CSMD1: variants seen among roughly 807,000 people sequenced by gnomAD.
CSMD1 encodes CUB and Sushi multiple domains 1.
A neutral mutation model predicts 417.5 loss-of-function variants in CSMD1; 213 were observed. The ratio of observed to expected loss-of-function variants is 0.51; its 90% CI spans 0.46 to 0.57. The LOEUF (loss-of-function observed/expected upper bound fraction) is 0.57. Ranked by LOEUF, CSMD1 falls within the 20% of genes least tolerant of loss-of-function variation. The pLI, the probability that CSMD1 is intolerant of heterozygous loss-of-function variation, is 0.00. For missense variants in CSMD1, 6,923 were observed against 4,529.7 expected, an observed-to-expected ratio of 1.53 and a Z score of -15.17; for synonymous variants, 2,862 against 1,736.8, an observed-to-expected ratio of 1.65 and a Z score of -16.11.
At chr8:4,523,801 C>T (rs777192276) in intron 2 of CSMD1, among the ~76,000 whole-genome samples, 7 of 152,098 alleles carry the variant, frequency 4.6e-5, no homozygotes, top group Non-Finnish European at 8.8e-5. Flanking sequence ...TATACAAATA[C>T]CACATTACCA....
intron 37 of CSMD1, among the ~76,000 whole-genome samples, chr8:3,179,194 C>G (rs1035512007): frequency 2.6e-5 from 4 of 151,862 alleles, no homozygotes; most frequent in South Asian, 2.1e-4. Flanking sequence ...ATCTGCCCGC[C>G]TTGGCCTCCC....
intron 3 of CSMD1, among the ~76,000 whole-genome samples, chr8:4,130,108 C>T (rs1334410932): frequency 1.3e-5 from 2 of 152,114 alleles, no homozygotes; most frequent in South Asian, 2.1e-4. Flanking sequence ...GCTGCTCCAT[C>T]ACCATGGAGT....
In CSMD1 at chr8:4,260,432, T is replaced by C. The variant is rs538211794; in HGVS notation, c.415+159521A>G. ...TTATACTTTTATTAATATACTAGTA[T>C]GTACTTTACTGAGTGTGGGTTGGGG... On this transcript the variant is annotated intron_variant, in intron 3 of 69. Coordinates refer to ENST00000635120, the MANE Select transcript of CSMD1 (RefSeq NM_033225.6). Among the ~76,000 whole-genome samples the C allele has an allele frequency of 5.3e-5, 8 of 152,304 alleles. No homozygotes were observed. The South Asian group carries it at 1.7e-3, about 32-fold the overall frequency.
chr8:3,841,348 C>G (rs567086398), intron 5 of CSMD1, among the ~76,000 whole-genome samples: 2 of 152,286 alleles, frequency 1.3e-5, no homozygotes, highest in East Asian at 3.9e-4. Context: ...TTTTGGACTT[C>G]TTTAACCATG....
At chr8:4,441,782 T>C (rs866657006) in intron 2 of CSMD1, among the ~76,000 whole-genome samples, 2 of 152,112 alleles carry the variant, frequency 1.3e-5, no homozygotes, top group Admixed American at 1.3e-4. Context: ...TAATCTTGGG[T>C]GTATCACAAG....
chr8:4,725,524 T>G (rs1039791662), intron 1 of CSMD1, among the ~76,000 whole-genome samples: 1 of 152,166 alleles, frequency 6.6e-6, no homozygotes, highest in African/African-American at 2.4e-5. Flanking sequence ...GAGATTTCCA[T>G]TTTGCGAACT....
rs563468143 is a variant in CSMD1 at position 4,461,145 on chromosome 8, G to A, written c.303-41080C>T. ...CACTGTGCCATAACAATAAAATAAA[G>A]TCAGCTGATTGTCTTACCAGATAAA... On this transcript the variant is annotated intron_variant, in intron 2 of 69. Coordinates refer to ENST00000635120, the MANE Select transcript of CSMD1 (RefSeq NM_033225.6). Among the ~76,000 whole-genome samples, 9 of 118,170 alleles carry A rather than the reference G, an allele frequency of 7.6e-5. No individual in the cohort carries two copies. The Admixed American group carries it at 8.5e-4, about 11-fold the overall frequency. 77.5% of individuals were successfully genotyped at this position (118,170 alleles called of 152,430 possible).
intron 3 of CSMD1, among the ~76,000 whole-genome samples, chr8:4,166,121 G>C (rs561020699): frequency 1.1e-4 from 17 of 152,240 alleles, no homozygotes; most frequent in Middle Eastern, 3.4e-3. Flanking sequence ...AGCACTGTCT[G>C]ATGCAAACAT....
chr8:3,579,363 A>G (rs1234319018), intron 9 of CSMD1, among the ~76,000 whole-genome samples: 1 of 152,206 alleles, frequency 6.6e-6, no homozygotes, highest in African/African-American at 2.4e-5. Flanking sequence ...TTATCTGTTT[A>G]TTTAAATGCA....
chr8:3,796,383 T>TAG (rs1563089606), intron 5 of CSMD1, among the ~76,000 whole-genome samples: 338 of 27,464 alleles, frequency 0.012, 54 homozygotes, highest in Middle Eastern at 0.1. Flanking sequence ...CATGTATATA[T>TAG]ATATCTATCA....
At chr8:3,190,957 G>C (rs577789463) in intron 33 of CSMD1, among the ~76,000 whole-genome samples, 14 of 152,298 alleles carry the variant, frequency 9.2e-5, no homozygotes, top group African/African-American at 3.1e-4. Flanking sequence ...GGTAGTTACT[G>C]GGGGCTGGGG....
At chr8:4,453,569 C>G (rs1355219000) in intron 2 of CSMD1, among the ~76,000 whole-genome samples, 3 of 152,140 alleles carry the variant, frequency 2.0e-5, no homozygotes, top group African/African-American at 7.2e-5. Flanking sequence ...ACATGACTGG[C>G]TTATATCGCT....
At chr8:4,666,304 G>C (rs191486051) in intron 1 of CSMD1, among the ~76,000 whole-genome samples, 10 of 152,240 alleles carry the variant, frequency 6.6e-5, no homozygotes, top group Admixed American at 3.9e-4. Flanking sequence ...AGATGATTTT[G>C]GAATAGCCAG....
chr8:3,721,989 C>A (rs571172038), intron 6 of CSMD1, among the ~76,000 whole-genome samples: 10 of 152,280 alleles, frequency 6.6e-5, no homozygotes, highest in African/African-American at 1.9e-4. Flanking sequence ...CCAAGCCCCC[C>A]ACAAGCCAGT....
intron 5 of CSMD1, among the ~76,000 whole-genome samples, chr8:3,939,218 C>T (rs997977260): frequency 4.6e-5 from 7 of 151,772 alleles, no homozygotes; most frequent in Non-Finnish European, 7.4e-5. Flanking sequence ...TAATTCATCA[C>T]GAATAAACTT....
intron 1 of CSMD1, among the ~76,000 whole-genome samples, chr8:4,729,956 C>A (rs1425015700): frequency 6.6e-6 from 1 of 152,196 alleles, no homozygotes; most frequent in Non-Finnish European, 1.5e-5. Flanking sequence ...GCACACACTG[C>A]AGCCTAAACA....
chr8:4,679,273 G>A (rs1438148011), intron 1 of CSMD1, among the ~76,000 whole-genome samples: 1 of 152,148 alleles, frequency 6.6e-6, no homozygotes, highest in Non-Finnish European at 1.5e-5. Context: ...CACCCGAGAA[G>A]GTAGCTTGAC....
chr8:4,556,215 T>C (rs542934260), intron 2 of CSMD1, among the ~76,000 whole-genome samples: 57 of 152,324 alleles, frequency 3.7e-4, no homozygotes, highest in Admixed American at 3.3e-3. Flanking sequence ...GGATACTTTA[T>C]ATCAGAAAAG....
chr8:3,656,923 T>TAA lies in CSMD1; in HGVS notation c.1010-40128_1010-40127dup, dbSNP rs5888980. 7.1e-3 allele frequency among the ~76,000 whole-genome samples: 1,005 copies of TAA among 142,542 alleles called. 12 individuals carry two copies. The highest frequency in any genetic ancestry group is 0.022 in the African/African-American group (868 of 38,820). The allele number at this position is 142,542 out of a possible 152,430, so 93.5% of individuals were successfully genotyped here. A position where few individuals can be genotyped will look rare whatever the true frequency, so the allele number is the denominator to read the frequency against. On this transcript the variant is annotated intron_variant, in intron 7 of 69. Transcript: ENST00000635120. ...CTGGGCAACAGAGCAAGACTCTGTCTAAAAAAAAAAAAAGCCTTTAAAAAT... is the reference window on the plus strand; with the variant it reads ...CTGGGCAACAGAGCAAGACTCTGTCTAAAAAAAAAAAAAAAGCCTTTAAAAAT...
Sources: allele counts gnomAD v4.1 joint callset (sites outside exome capture counted in the v4.1 genomes callset), GRCh38; gene constraint gnomAD v4.1.1; transcripts MANE v1.5; gene names NCBI Gene and HGNC (gene_info 2026-07-23, HGNC 2026-07-21).